FCSK: variants seen among roughly 807,000 people sequenced by gnomAD.
The protein encoded by FCSK is fucose kinase, also known as L-fucose kinase.
A neutral mutation model predicts 122.5 loss-of-function variants in FCSK; 123 were observed. The ratio of observed to expected loss-of-function variants is 1.00; its 90% CI spans 0.87 to 1.17. The LOEUF is 1.17. FCSK is among the 50% of genes most tolerant of loss of function. The pLI is 0.00. For synonymous variants in FCSK, 620 were observed against 625.5 expected (o/e 0.99, Z 0.13); for missense variants, 1,366 against 1,450.4 (o/e 0.94, Z 0.95).
At chr16:70,467,794 T>G in intron 7 of FCSK, 92 bp from the exon 8 acceptor site, 1 of 1,092,966 alleles carries the variant, frequency 9.1e-7, no homozygotes, top group Non-Finnish European at 1.4e-6. Context: ...CAGCTTTCCT[T>G]TGGAGAATGC....
At chr16:70,472,856 A>C in intron 14 of FCSK, 127 bp from the exon 15 acceptor site, 1 of 1,228,840 alleles carries the variant, frequency 8.1e-7, no homozygotes, top group Non-Finnish European at 1.1e-6. Flanking sequence ...CCCCGACCTG[A>C]ATTGCCCACT....
chr16:70,473,253 G>C lies in FCSK; in HGVS notation c.1677G>C (p.Arg559=), dbSNP rs1425680751. The part of the protein sequence containing the change: ...LFFRQALHKA[R]HVLEARQDLS... ...TCCGCCAGGCCCTGCATAAGGCGCG[G>C]CACGTGCTGGAGGCCCGGCAGGACC... Residue 559 remains arginine (R), a synonymous_variant, in exon 15 of 24, where the codon CGG becomes CGC. Coordinates refer to ENST00000288078, the MANE Select transcript of FCSK (RefSeq NM_145059.3). This position sits in a 1 kb window ranked among gnomAD's most constrained non-coding sequence, Gnocchi z 4.9. 6.5e-7 allele frequency: 1 copy of C among 1,532,794 alleles called. No homozygotes were observed. Among genetic ancestry groups the C allele is most frequent in the African/African-American group, 1.4e-5 (1 of 72,870 alleles). The allele number at this position is 1,532,794 out of a possible 1,614,324, so 94.9% of individuals were successfully genotyped here.
rs910109656 is a variant in FCSK at position 70,475,084 on chromosome 16, G to A, written c.2377+73G>A. 1.1e-5 allele frequency: 15 copies of A among 1,396,288 alleles called. No homozygotes were observed. The African/African-American group carries it at 2.0e-4, about 18-fold the overall frequency. The allele number at this position is 1,396,288 out of a possible 1,614,324, so 86.5% of individuals were successfully genotyped here. ...TCGGGGCAGAAGCTAGAGACTGCAGGCCAGTGGGGTCTGGCCTGAGGGCCA... is the reference window on the plus strand; with the variant it reads ...TCGGGGCAGAAGCTAGAGACTGCAGACCAGTGGGGTCTGGCCTGAGGGCCA... On this transcript the variant is annotated intron_variant, in intron 18 of 23. Coordinates refer to ENST00000288078, the MANE Select transcript of FCSK (RefSeq NM_145059.3).
At chr16:70,472,445 A>G in intron 13 of FCSK, 96 bp from the exon 14 acceptor site, 1 of 916,474 alleles carries the variant, frequency 1.1e-6, no homozygotes, top group Non-Finnish European at 1.7e-6. Context: ...TCCTGCCCTC[A>G]TGTGAGCACT....
In FCSK at chr16:70,479,335, T is replaced by C; in HGVS notation, c.3085T>C (p.Phe1029Leu). The C allele has an allele frequency of 1.2e-6, 2 of 1,613,918 alleles. No individual in the cohort carries two copies. Among genetic ancestry groups the C allele is most frequent in the South Asian group, 1.1e-5 (1 of 91,076 alleles). Residue 1029 changes from phenylalanine to leucine, a missense_variant, in exon 23 of 24, where the codon TTT becomes CTT. Coordinates refer to ENST00000288078, the MANE Select transcript of FCSK (RefSeq NM_145059.3). ...QSLAGAGGGG[F>L]LYLLTKEPQQ... ...CCTGGCTGGGGCAGGCGGTGGAGGC[T>C]TTCTCTATCTGTTGACCAAGGAGCC...
rs1325425457 is a variant in FCSK, at chr16:70,478,578, C to T, written c.2857C>T (p.Leu953Phe). The T allele has an allele frequency of 1.9e-6, 3 of 1,613,732 alleles. No homozygotes were observed. The highest frequency in any genetic ancestry group is 2.5e-6 in the Non-Finnish European group (3 of 1,180,052). The change falls in exon 22 of 24, where the codon CTT becomes TTT. Residue 953 changes from leucine to phenylalanine, a missense_variant. Leu to Phe is a conservative substitution (Grantham distance 22, BLOSUM62 0). Transcript: ENST00000288078. ...TGTGCTGAGGAGCTGGTATGCCCGACTTCCTGCTGTGGTGCAGAATGCCCA... is the reference window on the plus strand; with the variant it reads ...TGTGCTGAGGAGCTGGTATGCCCGATTTCCTGCTGTGGTGCAGAATGCCCA... Reference protein sequence around the residue: ...QDVLRSWYARLPAVVQNAHSL... With the variant: ...QDVLRSWYARFPAVVQNAHSL...
intron 1 of FCSK, among the ~76,000 whole-genome samples, chr16:70,462,940 C>T (rs1266705008): frequency 5.9e-5 from 9 of 152,156 alleles, no homozygotes; most frequent in Admixed American, 1.3e-4. Flanking sequence ...CCTCTGCACC[C>T]GGCCGACATT....
chr16:70,472,164 G>C, intron 13 of FCSK, among the ~76,000 whole-genome samples: 1 of 152,160 alleles, frequency 6.6e-6, no homozygotes, highest in East Asian at 1.9e-4. Flanking sequence ...CAGAGAGGGA[G>C]GTAACCCGCC....
In FCSK at chr16:70,480,192, G is replaced by A. The variant is rs758508303; in HGVS notation, c.*512G>A. 7.1e-5 allele frequency: 11 copies of A among 153,890 alleles called. No individual in the cohort carries two copies. The highest frequency in any genetic ancestry group is 1.9e-4 in the African/African-American group (8 of 41,576). The allele number at this position is 153,890 out of a possible 1,614,324, so 9.5% of individuals were successfully genotyped here. On this transcript the variant is annotated 3_prime_UTR_variant, in exon 24 of 24. Transcript: ENST00000288078. ...CCCAGGCCTTAACTAGCAAAACTAC[G>A]GAGCGTGCCAAGTGACCTGGTGCCT...
chr16:70,462,707 C>T (rs759163723), intron 1 of FCSK, among the ~76,000 whole-genome samples: 19 of 151,798 alleles, frequency 1.3e-4, no homozygotes, highest in East Asian at 1.9e-4. Context: ...TGCAGTGGCG[C>T]GATCTTGGCC....
At chr16:70,466,707 T>C (rs895142287) in intron 5 of FCSK, among the ~76,000 whole-genome samples, 175 bp from the exon 6 acceptor site, 3 of 152,128 alleles carry the variant, frequency 2.0e-5, no homozygotes, top group African/African-American at 4.8e-5. Context: ...TAACAACAAA[T>C]AAGTTAGTCT....
chr16:70,478,180 G>T lies in FCSK; in HGVS notation c.2642-92G>T, dbSNP rs8049164. 1.1e-3 allele frequency: 1,383 copies of T among 1,298,060 alleles called. 14 individuals carry two copies. The African/African-American group carries it at 0.018, about 17-fold the overall frequency. 80.4% of individuals were successfully genotyped at this position (1,298,060 alleles called of 1,614,324 possible). A position where few individuals can be genotyped will look rare whatever the true frequency, so the allele number is the denominator to read the frequency against. On this transcript the variant is annotated intron_variant, in intron 20 of 23. Coordinates refer to ENST00000288078, the MANE Select transcript of FCSK (RefSeq NM_145059.3). Reference sequence around the variant, plus strand: ...TGAGGGAAGCTATCTTTCCACACTGGTCCCAGCAAGGGGTGCAGGGCCGGG... The same window carrying T: ...TGAGGGAAGCTATCTTTCCACACTGTTCCCAGCAAGGGGTGCAGGGCCGGG...
chr16:70,469,464 A>T, intron 10 of FCSK, 141 bp downstream of exon 10: 1 of 691,378 alleles, frequency 1.4e-6, no homozygotes, highest in Non-Finnish European at 2.3e-6. Context: ...AGAGCCCCCC[A>T]CTGAGCTACC....
In FCSK at chr16:70,465,012, G is replaced by C. The variant is rs776340465; in HGVS notation, c.235-114G>C. On this transcript the variant is annotated intron_variant, in intron 3 of 23. Coordinates refer to ENST00000288078, the MANE Select transcript of FCSK (RefSeq NM_145059.3). ...GGCCATTGGTTTGACCTTGCCTTTT[G>C]TCCCTTGGGTACCTGAGTGGATTTG... 15 of 1,557,730 alleles carry C rather than the reference G, an allele frequency of 9.6e-6. No homozygotes were observed. The South Asian group carries it at 1.6e-4, about 17-fold the overall frequency.
At chr16:70,467,270 A>G in intron 6 of FCSK, 104 bp from the exon 7 acceptor site, 1 of 725,102 alleles carries the variant, frequency 1.4e-6, no homozygotes. Context: ...TCCCTTTTAG[A>G]GGTGCCCAGG....
At chr16:70,475,040 G>T in intron 18 of FCSK, 29 bp downstream of exon 18, 2 of 1,554,900 alleles carry the variant, frequency 1.3e-6, no homozygotes, top group Non-Finnish European at 1.7e-6. Context: ...TCTGCAGGTG[G>T]GGCTGGCCAG....
chr16:70,467,437 C>G lies in FCSK; in HGVS notation c.548C>G (p.Ala183Gly). ...VIALPGSPAY[A>G]QNHGVYLTDP... ...GCCCTCCCAGGGAGCCCGGCCTACG[C>G]TCAGAATCATGGCGTCTACCTAACT... The change falls in exon 7 of 24, where the codon GCT becomes GGT. Residue 183 changes from alanine to glycine, a missense_variant. Transcript: ENST00000288078. 1 of 1,609,720 alleles carries G rather than the reference C, an allele frequency of 6.2e-7. No homozygotes were observed. The highest frequency in any genetic ancestry group is 8.5e-7 in the Non-Finnish European group (1 of 1,178,386).
rs768509843 is a variant in FCSK at position 70,478,312 on chromosome 16, C to A, written c.2682C>A (p.Gly894=). 2 of 1,614,178 alleles carry A rather than the reference C, an allele frequency of 1.2e-6. No homozygotes were observed. The highest frequency in any genetic ancestry group is 8.5e-7 in the Non-Finnish European group (1 of 1,180,034). ...WQDQVGGLMP[G]IKVGRSRAQL... ...ACCAAGTAGGTGGCCTAATGCCTGG[C>A]ATCAAGGTGGGGCGCTCCCGGGCTC... The change falls in exon 21 of 24, where the codon GGC becomes GGA. Residue 894 remains glycine (G), a synonymous_variant. Transcript: ENST00000288078.
intron 1 of FCSK, among the ~76,000 whole-genome samples, chr16:70,455,825 G>C (rs2048077746): frequency 6.6e-6 from 1 of 151,800 alleles, no homozygotes; most frequent in African/African-American, 2.4e-5. Flanking sequence ...CTGGGAGGCG[G>C]AGATTGCAGT....
Sources: gnomAD v4.1 joint callset for allele counts (sites outside exome capture counted in the v4.1 genomes callset) on GRCh38, gnomAD v4.1.1 for gene constraint, Gnocchi (gnomAD v3.1) non-coding constraint, MANE v1.5 for transcripts, NCBI Gene and HGNC (gene_info 2026-07-23, HGNC 2026-07-21) for gene names.